Variants in SUPT6H observed in about 807,000 individuals in gnomAD.
SUPT6H encodes transcription elongation factor SPT6.
SUPT6H carries 11 observed loss-of-function variants against 222.3 expected under a neutral mutation model. The ratio of observed to expected loss-of-function variants is 0.05; its 90% CI spans 0.03 to 0.08. The LOEUF (loss-of-function observed/expected upper bound fraction) is 0.08, where lower values mean the gene tolerates loss of function less well. Ranked by LOEUF, SUPT6H falls within the 10% of genes least tolerant of loss-of-function variation. The probability of loss-of-function intolerance (pLI) is 1.00; values close to 1 mark genes in which losing one functional copy is unlikely to be tolerated. For missense variants in SUPT6H, 1,422 were observed against 2,216.0 expected (o/e 0.64, Z 7.19); for synonymous variants, 762 against 801.2 (o/e 0.95, Z 0.83).
At chr17:28,694,980 G>A (rs551365604) in intron 28 of SUPT6H, 12 of 206,198 alleles carry the variant, frequency 5.8e-5, no homozygotes, top group South Asian at 4.0e-4. Flanking sequence ...CTCTAGTCTG[G>A]GCGACGAGTG....
intron 1 of SUPT6H, among the ~76,000 whole-genome samples, chr17:28,666,819 A>C (rs2030052724): frequency 6.6e-6 from 1 of 152,182 alleles, no homozygotes; most frequent in African/African-American, 2.4e-5. Flanking sequence ...AGCCTCCCAA[A>C]GTGCTGGCAT....
chr17:28,694,069 T>C (rs535610063), intron 28 of SUPT6H, among the ~76,000 whole-genome samples: 1 of 152,220 alleles, frequency 6.6e-6, no homozygotes, highest in Admixed American at 6.5e-5. Flanking sequence ...TCCCAGTCCT[T>C]TGGGAGAGGG....
intron 1 of SUPT6H, among the ~76,000 whole-genome samples, chr17:28,664,182 A>C (rs555226883): frequency 6.6e-6 from 1 of 151,784 alleles, no homozygotes; most frequent in African/African-American, 2.4e-5. Flanking sequence ...TCTGAGTCTC[A>C]TTTGCTAGCA....
At chr17:28,701,253 G>A (rs780581681) in intron 36 of SUPT6H, 125 bp downstream of exon 36, 163 of 1,427,612 alleles carry the variant, frequency 1.1e-4, no homozygotes, top group Non-Finnish European at 1.4e-4. Flanking sequence ...TGATATGCCA[G>A]GAACACTAGT....
In SUPT6H at chr17:28,673,367, C is replaced by T. The variant is rs1423716889; in HGVS notation, c.-31-4C>T. Reference sequence around the variant, plus strand: ...TTTTATCCTTCACTCTTTTCTTTCCCTAGTTATCTTCAGGCAGAGTGAGAA... The same window carrying T: ...TTTTATCCTTCACTCTTTTCTTTCCTTAGTTATCTTCAGGCAGAGTGAGAA... On this transcript the variant is annotated splice_region_variant and splice_polypyrimidine_tract_variant and intron_variant, in intron 1 of 36. Coordinates refer to ENST00000314616, the MANE Select transcript of SUPT6H (RefSeq NM_003170.5). 5.2e-6 allele frequency: 8 copies of T among 1,536,898 alleles called. No individual in the cohort carries two copies. In the South Asian group the frequency reaches 5.6e-5, roughly 11 times the overall value.
At chr17:28,687,002 T>A in intron 21 of SUPT6H, 86 bp from the exon 22 acceptor site, 2 of 1,545,050 alleles carry the variant, frequency 1.3e-6, no homozygotes, top group Non-Finnish European at 1.7e-6. Context: ...GCAGAGAAAA[T>A]GATTTAAACC....
At position 28,683,811 on chromosome 17, in the gene SUPT6H, A is replaced by G. The variant is rs1328158443; in HGVS notation, c.2224A>G (p.Ile742Val). Residue 742 changes from isoleucine to valine, a missense_variant, in exon 17 of 37, where the codon ATA becomes GTA. Ile to Val is a conservative substitution (Grantham distance 29). Around this residue, in one of 13 missense-constraint regions of SUPT6H, gnomAD observed 294 missense variants for 382.1 expected, o/e 0.77. Coordinates refer to ENST00000314616, the MANE Select transcript of SUPT6H (RefSeq NM_003170.5). The part of the protein sequence containing the change: ...KLLAEAKEYV[I>V]KACSRKLYNW... ...GCTGGCTGAAGCCAAGGAATATGTC[A>G]TAAAGGTGAGGACAGAGACTCATGA... 1.2e-6 allele frequency: 2 copies of G among 1,611,834 alleles called. No individual in the cohort carries two copies. Among genetic ancestry groups the G allele is most frequent in the African/African-American group, 2.7e-5 (2 of 74,830 alleles).
At chr17:28,667,283 A>G (rs2030085569) in intron 1 of SUPT6H, among the ~76,000 whole-genome samples, 1 of 145,218 alleles carries the variant, frequency 6.9e-6, no homozygotes, top group Non-Finnish European at 1.5e-5. Context: ...AGGCAGGAGA[A>G]TGGCGTGACC....
rs777082486 is a variant in SUPT6H, at chr17:28,701,123, G to A, written c.4989G>A (p.Gln1663=). Residue 1663 remains glutamine, a synonymous_variant, in exon 36 of 37, where the codon CAG becomes CAA. Transcript: ENST00000314616. ...PSSSSRQRQQ[Q]PKSNSHAAID... ...CCAGCTCCCGGCAACGGCAGCAGCA[G>A]CCAAAGTAAGTATCTGGATGGTGGC... The A allele has an allele frequency of 6.2e-7, 1 of 1,607,716 alleles. No homozygotes were observed. The highest frequency in any genetic ancestry group is 8.5e-7 in the Non-Finnish European group (1 of 1,178,620).
intron 1 of SUPT6H, among the ~76,000 whole-genome samples, chr17:28,673,010 G>A (rs1441787826): frequency 6.6e-6 from 1 of 151,964 alleles, no homozygotes; most frequent in Non-Finnish European, 1.5e-5. Flanking sequence ...AATTAGCCAG[G>A]CATGGTGGCG....
chr17:28,679,052 G>A, intron 11 of SUPT6H, 89 bp downstream of exon 11: 1 of 1,526,652 alleles, frequency 6.6e-7, no homozygotes, highest in Non-Finnish European at 8.9e-7. Context: ...TGGAGAATGT[G>A]TAGCACAGGG....
rs113506234 is a variant in SUPT6H, at chr17:28,700,473, C to T, written c.4767C>T (p.Tyr1589=). The T allele has an allele frequency of 9.2e-5, 149 of 1,613,988 alleles. No homozygotes were observed. In the Middle Eastern group the frequency reaches 2.5e-3, roughly 27 times the overall value. The change falls in exon 35 of 37, where the codon TAC becomes TAT. Residue 1589 remains tyrosine (Y), a synonymous_variant. Transcript: ENST00000314616. ...ATPAQWASSQ[Y]GYGGSGGGSS... The stretch of plus-strand genomic sequence containing the variant: ...CAGCCCAGTGGGCCTCCAGCCAGTA[C>T]GGCTATGGCGGCAGTGGAGGCGGCA...
In SUPT6H at chr17:28,674,087, G is replaced by A. The variant is rs193287826; in HGVS notation, c.110-196G>A. On this transcript the variant is annotated intron_variant, in intron 2 of 36. Coordinates refer to ENST00000314616, the MANE Select transcript of SUPT6H (RefSeq NM_003170.5). ...TGCCCAAAGACAGATGGTGAATGTA[G>A]GGGAAGAAAACATTCTTTCCAGATG... Among the ~76,000 whole-genome samples, 15 of 152,318 alleles carry A rather than the reference G, an allele frequency of 9.8e-5. No homozygotes were observed. The East Asian group carries it at 2.9e-3, about 29-fold the overall frequency.
At position 28,686,664 on chromosome 17, in the gene SUPT6H, A is replaced by T; in HGVS notation, c.2575A>T (p.Met859Leu). The change falls in exon 21 of 37, where the codon ATG (methionine) becomes TTG (leucine). Residue 859 changes from methionine to leucine, a missense_variant. This residue lies in a region of SUPT6H where 294 missense variants were observed against 382.1 expected (regional missense o/e 0.77). Coordinates refer to ENST00000314616, the MANE Select transcript of SUPT6H (RefSeq NM_003170.5). ...CACTCATCCCACCAGGGACGCCCAG[A>T]TGTTGATTGAAGATGTGAAGCGCAT... Reference protein sequence around the residue: ...TVAGENRDAQMLIEDVKRIVH... With the variant: ...TVAGENRDAQLLIEDVKRIVH... 1 of 1,598,264 alleles carries T rather than the reference A, an allele frequency of 6.3e-7. No homozygotes were observed. The highest frequency in any genetic ancestry group is 8.5e-7 in the Non-Finnish European group (1 of 1,173,432).
chr17:28,690,741 T>C (rs2031602047), intron 26 of SUPT6H, among the ~76,000 whole-genome samples, 180 bp from the exon 27 acceptor site: 1 of 152,208 alleles, frequency 6.6e-6, no homozygotes, highest in Non-Finnish European at 1.5e-5. Flanking sequence ...ACCACTGCAC[T>C]GCAGCCTGGG....
At chr17:28,666,560 T>C (rs1362454825) in intron 1 of SUPT6H, among the ~76,000 whole-genome samples, 1 of 151,810 alleles carries the variant, frequency 6.6e-6, no homozygotes, top group Non-Finnish European at 1.5e-5. Context: ...CTTTTTTTTT[T>C]TTTTTTTTTG....
intron 1 of SUPT6H, among the ~76,000 whole-genome samples, chr17:28,671,581 T>G (rs1455311145): frequency 2.0e-5 from 3 of 152,174 alleles, no homozygotes; most frequent in Non-Finnish European, 2.9e-5. Flanking sequence ...TGCTGTTTTT[T>G]AAGTCCTACT....
intron 1 of SUPT6H, among the ~76,000 whole-genome samples, chr17:28,673,124 C>G (rs1023525919): frequency 1.5e-4 from 22 of 148,608 alleles, no homozygotes; most frequent in African/African-American, 5.5e-4. Context: ...GTACTCCAGC[C>G]TGGGTGAGAG....
chr17:28,663,828 A>AT lies in SUPT6H; in HGVS notation c.-32+1503dup, dbSNP rs71135839. The stretch of plus-strand genomic sequence containing the variant: ...ATCTGGCTTCTCTTCTGCCCACTCC[A>AT]TTTTTTTTTTTTTTTTTGTGGAGAC... On this transcript the variant is annotated intron_variant, in intron 1 of 36. Transcript: ENST00000314616. Among the ~76,000 whole-genome samples, 32 of 38,400 alleles carry AT rather than the reference A, an allele frequency of 8.3e-4. 11 individuals are homozygous for AT. The highest frequency in any genetic ancestry group is 3.4e-3 in the Admixed American group (9 of 2,660). 25.2% of individuals were successfully genotyped at this position (38,400 alleles called of 152,430 possible). A position where few individuals can be genotyped will look rare whatever the true frequency, so the allele number is the denominator to read the frequency against.
Sources: gnomAD v4.1 joint callset for allele counts (sites outside exome capture counted in the v4.1 genomes callset) on GRCh38, gnomAD v4.1.1 for gene constraint, gnomAD v4.1.1 regional missense constraint, MANE v1.5 for transcripts, NCBI Gene and HGNC (gene_info 2026-07-23, HGNC 2026-07-21) for gene names.